SORT1: variants seen among roughly 807,000 people sequenced by gnomAD.
SORT1 encodes sortilin.
SORT1 carries 39 observed loss-of-function variants against 101.7 expected under a neutral mutation model. That is an observed-to-expected ratio of 0.38 (90% CI 0.30 to 0.50). SORT1 has a LOEUF of 0.50. SORT1 is among the 20% of genes least tolerant of loss of function. The pLI, the probability that SORT1 is intolerant of heterozygous loss-of-function variation, is 0.90. For synonymous variants in SORT1, 396 were observed against 393.7 expected (o/e 1.01, Z -0.07); for missense variants, 878 against 1,040.4 (o/e 0.84, Z 2.15).
chr1:109,356,118 C>T (rs1423153545), intron 3 of SORT1, among the ~76,000 whole-genome samples: 1 of 152,134 alleles, frequency 6.6e-6, no homozygotes, highest in Non-Finnish European at 1.5e-5. Flanking sequence ...GTGATCCGCC[C>T]GCCTCGGCCT....
At chr1:109,318,445 C>A (rs1031188605) in intron 15 of SORT1, among the ~76,000 whole-genome samples, 1 of 151,924 alleles carries the variant, frequency 6.6e-6, no homozygotes, top group African/African-American at 2.4e-5. Context: ...CCACCGTGCC[C>A]CGCCAGAGAG....
At chr1:109,377,193 G>C (rs1651916697) in intron 1 of SORT1, among the ~76,000 whole-genome samples, 1 of 152,040 alleles carries the variant, frequency 6.6e-6, no homozygotes, top group African/African-American at 2.4e-5. Context: ...TATACATGTA[G>C]AACTATTTAC....
intron 7 of SORT1, 37 bp from the exon 8 acceptor site, chr1:109,345,918 A>T: frequency 6.3e-7 from 1 of 1,584,140 alleles, no homozygotes; most frequent in Non-Finnish European, 8.6e-7. Flanking sequence ...AATTTCACTT[A>T]CTGGTGAGCC....
intron 3 of SORT1, among the ~76,000 whole-genome samples, chr1:109,366,409 T>C (rs1651092091): frequency 6.6e-6 from 1 of 152,186 alleles, no homozygotes; most frequent in African/African-American, 2.4e-5. Context: ...TTCAGGAATA[T>C]AAAAAACCAT....
chr1:109,342,089 C>A lies in SORT1; in HGVS notation c.1033G>T (p.Val345Leu), dbSNP rs200451087. The change falls in exon 9 of 20, where the codon GTG becomes TTG. Residue 345 changes from valine (V) to leucine (L), a missense_variant. Val to Leu is a conservative substitution (Grantham distance 32). Coordinates refer to ENST00000256637, the MANE Select transcript of SORT1 (RefSeq NM_002959.7). Reference protein sequence around the residue: ...DTWSMAQLPSVGQEQFYSILA... With the variant: ...DTWSMAQLPSLGQEQFYSILA... ...ATAGAATAGAACTGTTCCTGTCCCACGGAGGGGAGCTGGGCCATGCTCCAT... is the reference window on the plus strand; with the variant it reads ...ATAGAATAGAACTGTTCCTGTCCCAAGGAGGGGAGCTGGGCCATGCTCCAT... 1 of 1,613,278 alleles carries A rather than the reference C, an allele frequency of 6.2e-7. No individual in the cohort carries two copies. Among genetic ancestry groups the A allele is most frequent in the South Asian group, 1.1e-5 (1 of 91,074 alleles).
chr1:109,357,999 A>ACAAATTGGTCCTCCTTCATGACATCCC (rs1350236583), intron 3 of SORT1, among the ~76,000 whole-genome samples: 1 of 152,218 alleles, frequency 6.6e-6, no homozygotes, highest in Non-Finnish European at 1.5e-5. Flanking sequence ...GTACTAGTTT[A>ACAAATTGGTCCTCCTTCATGACATCCC]CAAATTGGTC....
In SORT1 at chr1:109,310,165, A is replaced by G. The variant is rs1658634792; in HGVS notation, c.*3878T>C. 3 of 152,778 alleles carry G rather than the reference A, an allele frequency of 2.0e-5. No homozygotes were observed. The South Asian group carries it at 6.2e-4, about 32-fold the overall frequency. 9.5% of individuals were successfully genotyped at this position (152,778 alleles called of 1,614,324 possible). A position where few individuals can be genotyped will look rare whatever the true frequency, so the allele number is the denominator to read the frequency against. ...TACACTATACAGTTTATATATGTAT[A>G]TATGTACACACACATATATATAAAG... is the stretch of plus-strand genomic sequence containing the variant. On this transcript the variant is annotated 3_prime_UTR_variant, in exon 20 of 20. Transcript: ENST00000256637.
At chr1:109,323,684 C>T (rs1490075233) in intron 14 of SORT1, among the ~76,000 whole-genome samples, 6 of 152,150 alleles carry the variant, frequency 3.9e-5, no homozygotes, top group Non-Finnish European at 7.4e-5. Context: ...CTTAGTATGT[C>T]GTATCATCTA....
At chr1:109,314,516 A>C in intron 18 of SORT1, 132 bp from the exon 19 acceptor site, 2 of 1,225,472 alleles carry the variant, frequency 1.6e-6, no homozygotes, top group Non-Finnish European at 1.1e-6. Context: ...CATGGTTGAC[A>C]TATGAAAAAT....
At chr1:109,350,792 C>A in intron 6 of SORT1, 137 bp downstream of exon 6, 1 of 671,418 alleles carries the variant, frequency 1.5e-6, no homozygotes, top group Non-Finnish European at 2.7e-6. Flanking sequence ...TGTGTCACAC[C>A]CCTCTCCAAT....
chr1:109,389,551 C>T (rs966317581), intron 1 of SORT1, among the ~76,000 whole-genome samples: 14 of 152,180 alleles, frequency 9.2e-5, no homozygotes, highest in Admixed American at 5.9e-4. Flanking sequence ...ACCAGCTAAT[C>T]GGCCCAATAA....
chr1:109,359,991 T>C (rs1650602514), intron 3 of SORT1, among the ~76,000 whole-genome samples: 1 of 152,156 alleles, frequency 6.6e-6, no homozygotes, highest in Non-Finnish European at 1.5e-5. Context: ...AGGCACAGTA[T>C]AGACATTTCC....
chr1:109,311,477 TAAAG>T lies in SORT1; in HGVS notation c.*2562_*2565del, dbSNP rs1232460261. The T allele has an allele frequency of 2.6e-5, 4 of 152,222 alleles. No individual in the cohort carries two copies. The highest frequency in any genetic ancestry group is 2.0e-4 in the Admixed American group (3 of 15,288). The allele number at this position is 152,222 out of a possible 1,614,324, so 9.4% of individuals were successfully genotyped here. A position where few individuals can be genotyped will look rare whatever the true frequency, so the allele number is the denominator to read the frequency against. Reference sequence around the variant, plus strand: ...ACACATTTGTGAGTGAGCAGGTTGATAAAGAAAGCTAACTAGCCAATAATGAGAA... The same window carrying T: ...ACACATTTGTGAGTGAGCAGGTTGATAAAGCTAACTAGCCAATAATGAGAA... On this transcript the variant is annotated 3_prime_UTR_variant, in exon 20 of 20. Transcript: ENST00000256637.
chr1:109,336,429 C>T, intron 10 of SORT1, 83 bp from the exon 11 acceptor site: 1 of 891,046 alleles, frequency 1.1e-6, no homozygotes, highest in Admixed American at 1.8e-5. Flanking sequence ...TGACTCTCTC[C>T]TGAGACCGTA....
In SORT1 at chr1:109,312,226, A is replaced by T. The variant is rs1173734127; in HGVS notation, c.*1817T>A. On this transcript the variant is annotated 3_prime_UTR_variant, in exon 20 of 20. Coordinates refer to ENST00000256637, the MANE Select transcript of SORT1 (RefSeq NM_002959.7). The stretch of plus-strand genomic sequence containing the variant: ...GCAGAGGCTGACGTTTTCATTTGTG[A>T]GCTGGTGTATCTTCGGAATTATTTT... 6.6e-6 allele frequency: 1 copy of T among 152,308 alleles called. No individual in the cohort carries two copies. Among genetic ancestry groups the T allele is most frequent in the Non-Finnish European group, 1.5e-5 (1 of 68,024 alleles). 9.4% of individuals were successfully genotyped at this position (152,308 alleles called of 1,614,324 possible).
chr1:109,375,541 C>A (rs868428350), intron 1 of SORT1, among the ~76,000 whole-genome samples: 362 of 71,046 alleles, frequency 5.1e-3, no homozygotes, highest in East Asian at 0.017. Context: ...GACTCCGTTT[C>A]AAAAAAAAAA....
At chr1:109,376,139 G>T (rs1463794265) in intron 1 of SORT1, among the ~76,000 whole-genome samples, 1 of 152,090 alleles carries the variant, frequency 6.6e-6, no homozygotes, top group Non-Finnish European at 1.5e-5. Flanking sequence ...TCAGGAGATC[G>T]AGACTACGGT....
At chr1:109,344,815 G>A (rs1010215207) in intron 8 of SORT1, among the ~76,000 whole-genome samples, 1 of 152,018 alleles carries the variant, frequency 6.6e-6, no homozygotes. Flanking sequence ...TCCCACCTCA[G>A]CCTCCCAAGT....
rs1466398937 is a variant in SORT1, at chr1:109,397,733, T to A, written c.160A>T (p.Ile54Phe). 7 of 1,186,852 alleles carry A rather than the reference T, an allele frequency of 5.9e-6. No individual in the cohort carries two copies. The highest frequency in any genetic ancestry group is 7.3e-6 in the Non-Finnish European group (7 of 961,908). The allele number at this position is 1,186,852 out of a possible 1,614,324, so 73.5% of individuals were successfully genotyped here. A position where few individuals can be genotyped will look rare whatever the true frequency, so the allele number is the denominator to read the frequency against. Reference sequence around the variant, plus strand: ...GCCCGCAGCCCCCAGCTCACCCCGATGGGGCCAGACCAGCGCGGCAGCGGC... The same window carrying A: ...GCCCGCAGCCCCCAGCTCACCCCGAAGGGGCCAGACCAGCGCGGCAGCGGC... ...AAPLPRWSGP[I>F]GVSWGLRAAA... Residue 54 changes from isoleucine to phenylalanine, a missense_variant, in exon 1 of 20, where the codon ATC becomes TTC. Around this residue, in one of 2 missense-constraint regions of SORT1, gnomAD observed 194 missense variants for 145.9 expected, o/e 1.33. Transcript: ENST00000256637.
Sources: gnomAD v4.1 joint callset for allele counts (sites outside exome capture counted in the v4.1 genomes callset) on GRCh38, gnomAD v4.1.1 for gene constraint, gnomAD v4.1.1 regional missense constraint, MANE v1.5 for transcripts, NCBI Gene and HGNC (gene_info 2026-07-23, HGNC 2026-07-21) for gene names.